ZNF723: variants seen among roughly 807,000 people sequenced by gnomAD.
ZNF723 encodes zinc finger protein 723.
ZNF723 carries 5 observed loss-of-function variants against 9.4 expected under a neutral mutation model. That is an observed-to-expected ratio of 0.53 (90% CI 0.28 to 1.12). ZNF723 has a LOEUF of 1.12. Ranked by LOEUF, ZNF723 falls within the 50% of genes most tolerant of loss-of-function variation. The probability of loss-of-function intolerance (pLI) is 0.10; values close to 1 mark genes in which losing one functional copy is unlikely to be tolerated. For missense variants in ZNF723, 450 were observed against 501.5 expected, an observed-to-expected ratio of 0.90 and a Z score of 0.98; for synonymous variants, 158 against 168.8, an observed-to-expected ratio of 0.94 and a Z score of 0.49.
intron 3 of ZNF723, among the ~76,000 whole-genome samples, chr19:22,855,276 T>G (rs1967461246): frequency 6.6e-6 from 1 of 151,018 alleles, no homozygotes; most frequent in African/African-American, 2.4e-5. Flanking sequence ...TCACCCAGGC[T>G]GGAGTACAGT....
chr19:22,846,816 T>TA (rs1374443625), intron 1 of ZNF723, among the ~76,000 whole-genome samples: 2 of 87,948 alleles, frequency 2.3e-5, no homozygotes, highest in Non-Finnish European at 4.3e-5. Context: ...TAATTTCCTT[T>TA]TTTTTTTTTT....
chr19:22,845,449 G>A (rs1282052770), intron 1 of ZNF723, among the ~76,000 whole-genome samples: 1 of 152,100 alleles, frequency 6.6e-6, no homozygotes, highest in Non-Finnish European at 1.5e-5. Flanking sequence ...TGATTCTAAG[G>A]TGAGGCCAGA....
the ZNF723 span, among the ~76,000 whole-genome samples, chr19:22,815,103 G>A: frequency 3.9e-4 from 60 of 151,986 alleles, no homozygotes; most frequent in African/African-American, 1.4e-3. Context: ...CCTGAACCCT[G>A]CTGAAAGGGA....
chr19:22,815,061 T>C, the ZNF723 span, among the ~76,000 whole-genome samples: 15 of 151,990 alleles, frequency 9.9e-5, no homozygotes, highest in African/African-American at 3.6e-4. Flanking sequence ...TCTGTTCATT[T>C]ATCACCTAGG....
chr19:22,836,738 T>C lies in ZNF723; in HGVS notation c.3+4356T>C, dbSNP rs561145768. Among the ~76,000 whole-genome samples the C allele has an allele frequency of 1.6e-4, 24 of 152,324 alleles. 1 individual carries two copies. In the East Asian group the frequency reaches 4.2e-3, roughly 27 times the overall value. On this transcript the variant is annotated intron_variant, in intron 1 of 3. Coordinates refer to ENST00000600766, the MANE Select transcript of ZNF723 (RefSeq NM_001349726.2). ...TGAAGACAAATTCAGCCAATTTTTC[T>C]ATGAGAAAAAGATTTGCAGAGTCTA...
chr19:22,850,667 T>C (rs1449502822), intron 3 of ZNF723, among the ~76,000 whole-genome samples: 1 of 152,116 alleles, frequency 6.6e-6, no homozygotes, highest in Non-Finnish European at 1.5e-5. Context: ...CCCAGCTACA[T>C]TTCTTTTTAT....
At chr19:22,854,600 G>A (rs865805000) in intron 3 of ZNF723, among the ~76,000 whole-genome samples, 17 of 149,054 alleles carry the variant, frequency 1.1e-4, no homozygotes, top group South Asian at 4.3e-4. Flanking sequence ...GCCCTCTTTT[G>A]TGTCTGTTTC....
chr19:22,857,115 C>T lies in ZNF723; in HGVS notation c.227-3C>T. On this transcript the variant is annotated splice_polypyrimidine_tract_variant and splice_region_variant and intron_variant, in intron 3 of 3. Coordinates refer to ENST00000600766, the MANE Select transcript of ZNF723 (RefSeq NM_001349726.2). ...AGTAATTTGTTATTTCTATTTTTTT[C>T]AGTTGTGTGTTCTCATTTTGCCCAA... 1 of 920,812 alleles carries T rather than the reference C, an allele frequency of 1.1e-6. No homozygotes were observed. The highest frequency in any genetic ancestry group is 1.6e-6 in the Non-Finnish European group (1 of 617,220). The allele number at this position is 920,812 out of a possible 1,614,324, so 57.0% of individuals were successfully genotyped here.
chr19:22,853,770 T>G (rs549694053), intron 3 of ZNF723, among the ~76,000 whole-genome samples: 151 of 152,162 alleles, frequency 9.9e-4, no homozygotes, highest in Non-Finnish European at 1.9e-3. Context: ...ACCTGAACCA[T>G]GCCCAGCTAA....
the ZNF723 span, among the ~76,000 whole-genome samples, chr19:22,821,210 C>T: frequency 3.8e-4 from 58 of 152,306 alleles, no homozygotes; most frequent in African/African-American, 1.4e-3. Flanking sequence ...AATCTCATTT[C>T]TGGACCTGCT....
the ZNF723 span, among the ~76,000 whole-genome samples, chr19:22,825,522 G>A: frequency 1.3e-5 from 2 of 152,236 alleles, no homozygotes; most frequent in Non-Finnish European, 2.9e-5. Flanking sequence ...TCTAGGTGAT[G>A]TAACTTTCTT....
chr19:22,830,559 T>C (rs922284769), upstream of ZNF723, among the ~76,000 whole-genome samples: 3 of 151,988 alleles, frequency 2.0e-5, no homozygotes, highest in African/African-American at 7.3e-5. Context: ...TGTAAAAGTA[T>C]AATTCTCCAG....
intron 1 of ZNF723, among the ~76,000 whole-genome samples, chr19:22,838,884 C>T (rs1391951031): frequency 6.6e-6 from 1 of 151,950 alleles, no homozygotes. Flanking sequence ...AGTAGCTGGG[C>T]TTACAGGCAT....
upstream of ZNF723, among the ~76,000 whole-genome samples, chr19:22,828,807 CA>C (rs1189188058): frequency 6.6e-6 from 1 of 152,096 alleles, no homozygotes; most frequent in Non-Finnish European, 1.5e-5. Flanking sequence ...GATCCTAAAA[CA>C]GGCCAGGTTT....
intron 1 of ZNF723, among the ~76,000 whole-genome samples, chr19:22,847,267 T>A (rs952343433): frequency 1.4e-4 from 21 of 151,370 alleles, no homozygotes; most frequent in Non-Finnish European, 1.5e-4. Flanking sequence ...TTTTTTTTTT[T>A]AATTAAGTAT....
At chr19:22,838,818 G>T (rs898588942) in intron 1 of ZNF723, among the ~76,000 whole-genome samples, 1 of 151,964 alleles carries the variant, frequency 6.6e-6, no homozygotes, top group African/African-American at 2.4e-5. Context: ...CATGATCTCT[G>T]CTCACCGCAA....
In ZNF723 at chr19:22,858,151, T is replaced by C; in HGVS notation, c.1260T>C (p.Thr420=). The C allele has an allele frequency of 7.0e-7, 1 of 1,422,136 alleles. No individual in the cohort carries two copies. The highest frequency in any genetic ancestry group is 2.3e-5 in the East Asian group (1 of 43,964). 88.1% of individuals were successfully genotyped at this position (1,422,136 alleles called of 1,614,324 possible). A position where few individuals can be genotyped will look rare whatever the true frequency, so the allele number is the denominator to read the frequency against. Residue 420 remains threonine (T), a synonymous_variant, in exon 4 of 4, where the codon ACT becomes ACC. Coordinates refer to ENST00000600766, the MANE Select transcript of ZNF723 (RefSeq NM_001349726.2). ...SALTTHKIIH[T]GERPYKCKQC... ...TTACTACACATAAGATAATTCATAC[T>C]GGAGAAAGACCTTACAAATGTAAAC...
intron 1 of ZNF723, among the ~76,000 whole-genome samples, chr19:22,845,889 CTTTTTTTTT>C (rs1214348571): frequency 3.2e-5 from 4 of 124,386 alleles, no homozygotes; most frequent in African/African-American, 6.2e-5. Flanking sequence ...AAAAATATGC[CTTTTTTTTT>C]TTTTTTTTTA....
At chr19:22,817,238 T>C in the ZNF723 span, among the ~76,000 whole-genome samples, 5 of 152,222 alleles carry the variant, frequency 3.3e-5, no homozygotes, top group Non-Finnish European at 5.9e-5. Flanking sequence ...AATTTGAGAA[T>C]TGTGAAATAT....
Sources: allele counts gnomAD v4.1 joint callset (sites outside exome capture counted in the v4.1 genomes callset), GRCh38; gene constraint gnomAD v4.1.1; transcripts MANE v1.5; gene names NCBI Gene and HGNC (gene_info 2026-07-23, HGNC 2026-07-21).